HERC3: variants seen among roughly 807,000 people sequenced by gnomAD.
HERC3 encodes HECT and RLD domain containing E3 ubiquitin protein ligase 3.
A neutral mutation model predicts 129.9 loss-of-function variants in HERC3; 58 were observed. That is an observed-to-expected ratio of 0.45 (90% CI 0.36 to 0.56). The LOEUF is 0.56. Ranked by LOEUF, HERC3 falls within the 20% of genes least tolerant of loss-of-function variation. The pLI is 0.00. For missense variants in HERC3, 835 were observed against 1,244.2 expected (o/e 0.67, Z 4.95); for synonymous variants, 430 against 451.0 (o/e 0.95, Z 0.59).
At chr4:88,632,162 C>G (rs1578204076) in intron 3 of HERC3, among the ~76,000 whole-genome samples, 1 of 152,188 alleles carries the variant, frequency 6.6e-6, no homozygotes, top group Admixed American at 6.5e-5. Flanking sequence ...TCCATGAACT[C>G]TTTGGCTCAC....
At chr4:88,554,362 A>G in the HERC3 span, among the ~76,000 whole-genome samples, 1 of 152,166 alleles carries the variant, frequency 6.6e-6, no homozygotes, top group Non-Finnish European at 1.5e-5. Context: ...AAAAAAAAAA[A>G]AAGGTATCCT....
At chr4:88,655,153 A>G (rs373045549) in intron 7 of HERC3, 21 bp from the exon 8 acceptor site, 6 of 1,612,924 alleles carry the variant, frequency 3.7e-6, no homozygotes, top group South Asian at 1.1e-5. Context: ...GTGAAGTCCT[A>G]TGGTGTTTGT....
intron 3 of HERC3, among the ~76,000 whole-genome samples, chr4:88,631,410 G>A (rs543761056): frequency 6.6e-6 from 1 of 152,314 alleles, no homozygotes; most frequent in East Asian, 1.9e-4. Flanking sequence ...AGCTGAGATT[G>A]TGCCACTGCA....
At position 88,605,836 on chromosome 4, in the gene HERC3, G is replaced by C; in HGVS notation, c.13G>C (p.Gly5Arg). Residue 5 changes from glycine (G) to arginine (R), a missense_variant, in exon 3 of 26, where the codon GGA becomes CGA. By Grantham distance (125) the Gly-to-Arg change is moderately radical. Coordinates refer to ENST00000402738, the MANE Select transcript of HERC3 (RefSeq NM_014606.3). ...AAAGATAAGAACAATGTTATGTTGG[G>C]GATATTGGTCTCTGGGCCAACCTGG... MLCW[G>R]YWSLGQPGIS... 1 of 1,613,656 alleles carries C rather than the reference G, an allele frequency of 6.2e-7. No individual in the cohort carries two copies. The highest frequency in any genetic ancestry group is 8.5e-7 in the Non-Finnish European group (1 of 1,179,610).
the HERC3 span, among the ~76,000 whole-genome samples, chr4:88,524,323 G>A: frequency 6.6e-6 from 1 of 152,200 alleles, no homozygotes; most frequent in African/African-American, 2.4e-5. Context: ...TGAAGTATTT[G>A]CGTAATAAAG....
chr4:88,666,657 T>C (rs1364842191), intron 12 of HERC3, among the ~76,000 whole-genome samples: 3 of 152,232 alleles, frequency 2.0e-5, no homozygotes, highest in Admixed American at 6.5e-5. Flanking sequence ...AATAGATAGC[T>C]CTTTTGTAAA....
chr4:88,581,525 C>T, the HERC3 span, among the ~76,000 whole-genome samples: 5 of 151,414 alleles, frequency 3.3e-5, no homozygotes, highest in South Asian at 2.1e-4. Flanking sequence ...AGGCTGGTCT[C>T]GAACTCCTGA....
chr4:88,701,217 T>A (rs922651888), intron 23 of HERC3, among the ~76,000 whole-genome samples: 2 of 152,238 alleles, frequency 1.3e-5, no homozygotes, highest in African/African-American at 4.8e-5. Context: ...ATGATTAACA[T>A]GCACAATAAT....
At chr4:88,682,073 A>AT (rs1478509431) in intron 21 of HERC3, among the ~76,000 whole-genome samples, 1 of 152,222 alleles carries the variant, frequency 6.6e-6, no homozygotes, top group Non-Finnish European at 1.5e-5. Flanking sequence ...TTATATGGAT[A>AT]TGCCACATTT....
intron 3 of HERC3, among the ~76,000 whole-genome samples, chr4:88,627,904 C>CAAAAAA (rs60358778): frequency 7.4e-5 from 6 of 80,952 alleles, no homozygotes; most frequent in East Asian, 2.6e-4. Flanking sequence ...AACTCCGTCT[C>CAAAAAA]AAAAAAAAAA....
At chr4:88,623,194 A>C (rs1343266115) in intron 3 of HERC3, among the ~76,000 whole-genome samples, 1 of 152,176 alleles carries the variant, frequency 6.6e-6, no homozygotes, top group Non-Finnish European at 1.5e-5. Flanking sequence ...TTTTGATGCA[A>C]GTGGCTAGGA....
In HERC3 at chr4:88,623,014, T is replaced by C. The variant is rs942182133; in HGVS notation, c.226+16965T>C. On this transcript the variant is annotated intron_variant, in intron 3 of 25. Transcript: ENST00000402738. Reference sequence around the variant, plus strand: ...CGAGGATTAATTGAGATAAAACATATAAAGCTCTTAAAACAGTTCCTGGCA... The same window carrying C: ...CGAGGATTAATTGAGATAAAACATACAAAGCTCTTAAAACAGTTCCTGGCA... Among the ~76,000 whole-genome samples the C allele has an allele frequency of 3.3e-5, 5 of 152,166 alleles. No individual in the cohort carries two copies. In the South Asian group the frequency reaches 8.3e-4, roughly 25 times the overall value.
chr4:88,658,876 A>T (rs1318690460), intron 10 of HERC3, among the ~76,000 whole-genome samples: 1 of 152,094 alleles, frequency 6.6e-6, no homozygotes, highest in African/African-American at 2.4e-5. Context: ...TCTTTGTTTG[A>T]TGTGATTGAG....
chr4:88,569,894 G>T, the HERC3 span, among the ~76,000 whole-genome samples: 2 of 152,256 alleles, frequency 1.3e-5, no homozygotes, highest in Non-Finnish European at 2.9e-5. Context: ...AGAGGTGGAA[G>T]TTCCCTTTGG....
chr4:88,611,484 CTTA>C (rs1724318497), intron 3 of HERC3, among the ~76,000 whole-genome samples: 1 of 152,142 alleles, frequency 6.6e-6, no homozygotes. Flanking sequence ...AGGCCCCTTC[CTTA>C]AAAGAGGATT....
At chr4:88,656,700 G>A (rs913972326) in intron 9 of HERC3, 1 of 152,224 alleles carries the variant, frequency 6.6e-6, no homozygotes, top group Non-Finnish European at 1.5e-5. Context: ...TGGTGGTGGT[G>A]TATACATTTT....
chr4:88,615,845 G>A (rs1301336992), intron 3 of HERC3, among the ~76,000 whole-genome samples: 1 of 152,076 alleles, frequency 6.6e-6, no homozygotes, highest in Non-Finnish European at 1.5e-5. Flanking sequence ...TGTATATGCT[G>A]CCAAAGCAAG....
chr4:88,552,451 C>T, the HERC3 span, among the ~76,000 whole-genome samples: 22 of 152,086 alleles, frequency 1.4e-4, no homozygotes, highest in African/African-American at 5.1e-4. Context: ...CAGGGTTTCA[C>T]TAGGTTACCC....
At chr4:88,654,572 A>G (rs1729683166) in intron 7 of HERC3, among the ~76,000 whole-genome samples, 1 of 149,248 alleles carries the variant, frequency 6.7e-6, no homozygotes, top group African/African-American at 2.4e-5. Flanking sequence ...TATAATATAT[A>G]TAAAATGATG....
Sources: allele counts gnomAD v4.1 joint callset (sites outside exome capture counted in the v4.1 genomes callset), GRCh38; gene constraint gnomAD v4.1.1; transcripts MANE v1.5; gene names NCBI Gene and HGNC (gene_info 2026-07-23, HGNC 2026-07-21).